Variants in SMCO4 observed in about 807,000 individuals in gnomAD.
The protein encoded by SMCO4 is single-pass membrane and coiled-coil domain-containing protein 4.
A neutral mutation model predicts 3.6 loss-of-function variants in SMCO4; 4 were observed. The ratio of observed to expected loss-of-function variants is 1.11; its 90% confidence interval spans 0.54 to 2.53. SMCO4 has a LOEUF of 2.53. Ranked by LOEUF, SMCO4 falls within the 30% of genes most tolerant of loss-of-function variation. The pLI, the probability that SMCO4 is intolerant of heterozygous loss-of-function variation, is 0.02. For synonymous variants in SMCO4, 36 were observed against 35.3 expected (o/e 1.02, Z -0.07); for missense variants, 70 against 80.8 (o/e 0.87, Z 0.51).
upstream of SMCO4, among the ~76,000 whole-genome samples, chr11:93,543,957 G>C (rs1436648944): frequency 6.6e-6 from 1 of 152,196 alleles, no homozygotes; most frequent in Non-Finnish European, 1.5e-5. Context: ...TGTGTGCGCA[G>C]CTCAGCATAA....
chr11:93,482,112 G>A (rs962034140), intron 2 of SMCO4, among the ~76,000 whole-genome samples: 4 of 152,250 alleles, frequency 2.6e-5, no homozygotes, highest in African/African-American at 9.6e-5. Flanking sequence ...GGGCAAACAT[G>A]CCCGTCTGAA....
At chr11:93,501,790 T>C (rs1056411476) in intron 1 of SMCO4, among the ~76,000 whole-genome samples, 221 of 152,060 alleles carry the variant, frequency 1.5e-3, no homozygotes, top group Non-Finnish European at 2.7e-3. Context: ...TATTGTTGAA[T>C]TTGTGCATGA....
intron 1 of SMCO4, among the ~76,000 whole-genome samples, chr11:93,523,915 C>T (rs1949082667): frequency 6.6e-6 from 1 of 152,280 alleles, no homozygotes; most frequent in East Asian, 1.9e-4. Context: ...CATTCCAAAA[C>T]CAAAAGAATG....
At chr11:93,496,157 T>G (rs529294494) in intron 2 of SMCO4, among the ~76,000 whole-genome samples, 1 of 152,050 alleles carries the variant, frequency 6.6e-6, no homozygotes, top group Non-Finnish European at 1.5e-5. Flanking sequence ...TCCAAATTGA[T>G]GAGAGGAATA....
At chr11:93,516,480 G>A (rs997371100) in intron 1 of SMCO4, among the ~76,000 whole-genome samples, 5 of 152,174 alleles carry the variant, frequency 3.3e-5, no homozygotes, top group African/African-American at 9.7e-5. Flanking sequence ...GACATTTAGC[G>A]CAAACGGAAT....
chr11:93,491,476 G>A (rs549329721), intron 2 of SMCO4, among the ~76,000 whole-genome samples: 35 of 152,258 alleles, frequency 2.3e-4, no homozygotes, highest in Non-Finnish European at 4.3e-4. Context: ...ACTGATCCCT[G>A]ACATCCCCGT....
chr11:93,519,352 A>G (rs1022113118), intron 1 of SMCO4, among the ~76,000 whole-genome samples: 1 of 152,242 alleles, frequency 6.6e-6, no homozygotes, highest in Admixed American at 6.5e-5. Context: ...CTTTGCATAC[A>G]AGCAAGACAC....
intron 1 of SMCO4, among the ~76,000 whole-genome samples, chr11:93,517,516 T>C (rs1156694959): frequency 2.0e-5 from 3 of 152,128 alleles, no homozygotes; most frequent in Non-Finnish European, 2.9e-5. Context: ...TTCTCAAAGG[T>C]CTAACCCAAA....
chr11:93,479,087 G>A lies in SMCO4; in HGVS notation c.103C>T (p.Leu35=). 1 of 1,614,062 alleles carries A rather than the reference G, an allele frequency of 6.2e-7. No homozygotes were observed. Among genetic ancestry groups the A allele is most frequent in the Non-Finnish European group, 8.5e-7 (1 of 1,180,032 alleles). The change falls in exon 3 of 3, where the codon CTG becomes TTG. Residue 35 remains leucine (L), a synonymous_variant. Coordinates refer to ENST00000298966, the MANE Select transcript of SMCO4 (RefSeq NM_020179.3). ...AGCACGACCACGGCCAGCGTGGGCA[G>A]CACCACTGTAGTGATCTGCTGCCGG... ...EARQQITTVV[L]PTLAVVVLLI...
At chr11:93,545,927 A>G (rs975327434), upstream of SMCO4, among the ~76,000 whole-genome samples, 6 of 152,228 alleles carry the variant, frequency 3.9e-5, no homozygotes, top group Non-Finnish European at 7.3e-5. Context: ...CTCCTTGAAG[A>G]GGAAAGACCC....
intron 1 of SMCO4, among the ~76,000 whole-genome samples, chr11:93,515,989 A>C (rs899922199): frequency 1.3e-5 from 2 of 152,102 alleles, no homozygotes; most frequent in African/African-American, 4.8e-5. Flanking sequence ...TTTCCTTTGT[A>C]ATTTCTACAC....
chr11:93,539,085 G>A (rs920707130), intron 1 of SMCO4, among the ~76,000 whole-genome samples: 1 of 152,144 alleles, frequency 6.6e-6, no homozygotes, highest in Non-Finnish European at 1.5e-5. Flanking sequence ...ACACACATGT[G>A]TTTCTGCACC....
intron 1 of SMCO4, among the ~76,000 whole-genome samples, chr11:93,499,576 T>C (rs575379276): frequency 6.6e-6 from 1 of 152,292 alleles, no homozygotes; most frequent in East Asian, 1.9e-4. Context: ...AAGCAGCCCC[T>C]GCATGGAGTT....
chr11:93,482,659 G>A (rs1350944584), intron 2 of SMCO4, among the ~76,000 whole-genome samples: 1 of 152,232 alleles, frequency 6.6e-6, no homozygotes, highest in African/African-American at 2.4e-5. Flanking sequence ...ACTGTGAGAA[G>A]ACAGAGGCAT....
chr11:93,511,485 C>T (rs1013802224), intron 1 of SMCO4, among the ~76,000 whole-genome samples: 2 of 152,208 alleles, frequency 1.3e-5, no homozygotes, highest in Admixed American at 6.5e-5. Context: ...TGCACATTCT[C>T]TCCATGTCTG....
At position 93,534,744 on chromosome 11, in the gene SMCO4, C is replaced by A. The variant is rs1179105290; in HGVS notation, c.-154+8532G>T. ...GACTCTGTGGTCCAGTAAGCCAGGG[C>A]TTTCCGAAGCCCACTGTGTCCACTG... is the stretch of plus-strand genomic sequence containing the variant. On this transcript the variant is annotated intron_variant, in intron 1 of 2. Transcript: ENST00000298966. Among the ~76,000 whole-genome samples the A allele has an allele frequency of 2.0e-5, 3 of 152,160 alleles. No homozygotes were observed. The East Asian group carries it at 5.8e-4, about 29-fold the overall frequency.
At chr11:93,552,047 T>C in the SMCO4 span, among the ~76,000 whole-genome samples, 1 of 152,092 alleles carries the variant, frequency 6.6e-6, no homozygotes, top group Non-Finnish European at 1.5e-5. Flanking sequence ...CTTTCAATGT[T>C]TACATATATT....
chr11:93,486,317 C>G (rs1293457689), intron 2 of SMCO4, among the ~76,000 whole-genome samples: 1 of 152,216 alleles, frequency 6.6e-6, no homozygotes, highest in African/African-American at 2.4e-5. Context: ...CAGCTGCTTC[C>G]AGGGAGGCCA....
At chr11:93,514,999 G>T (rs936680395) in intron 1 of SMCO4, among the ~76,000 whole-genome samples, 2 of 152,160 alleles carry the variant, frequency 1.3e-5, no homozygotes, top group Non-Finnish European at 2.9e-5. Flanking sequence ...CCAAATAAAT[G>T]CACCATTACT....
Sources: allele counts gnomAD v4.1 joint callset (sites outside exome capture counted in the v4.1 genomes callset), GRCh38; gene constraint gnomAD v4.1.1; transcripts MANE v1.5; gene names NCBI Gene and HGNC (gene_info 2026-07-23, HGNC 2026-07-21).